SND1: variants seen among roughly 807,000 people sequenced by gnomAD.
SND1 encodes the protein staphylococcal nuclease domain-containing protein 1.
SND1 carries 38 observed loss-of-function variants against 121.7 expected under a neutral mutation model. The observed-to-expected ratio is 0.31, with a 90% CI of 0.24 to 0.41. The LOEUF is 0.41. SND1 is among the 10% of genes least tolerant of loss of function. The probability of loss-of-function intolerance (pLI) is 1.00; values close to 1 mark genes in which losing one functional copy is unlikely to be tolerated. For missense variants in SND1, 868 were observed against 1,184.6 expected (o/e 0.73, Z 3.92); for synonymous variants, 401 against 447.4 (o/e 0.90, Z 1.31).
At chr7:128,081,545 G>GCT (rs1398472025) in intron 18 of SND1, 44 bp downstream of exon 18, 1 of 1,608,674 alleles carries the variant, frequency 6.2e-7, no homozygotes. Flanking sequence ...GCTTGGTCCA[G>GCT]CTGGCGCTGC....
At chr7:128,061,629 C>T (rs1173448734) in intron 16 of SND1, among the ~76,000 whole-genome samples, 1 of 152,188 alleles carries the variant, frequency 6.6e-6, no homozygotes, top group Non-Finnish European at 1.5e-5. Flanking sequence ...GTAAGCCATG[C>T]CATATTTTAA....
chr7:127,697,059 T>G (rs1252808525), intron 3 of SND1, among the ~76,000 whole-genome samples: 10 of 152,250 alleles, frequency 6.6e-5, no homozygotes, highest in Admixed American at 6.5e-4. Flanking sequence ...CCCACTTTTT[T>G]TTATGATGGG....
rs750329376 is a variant in SND1 at position 127,807,447 on chromosome 7, T to G, written c.1153-37T>G. 4 of 1,519,708 alleles carry G rather than the reference T, an allele frequency of 2.6e-6. No homozygotes were observed. In the South Asian group the frequency reaches 4.5e-5, roughly 17 times the overall value. 94.1% of individuals were successfully genotyped at this position (1,519,708 alleles called of 1,614,324 possible). ...GCTGTTGTACATGTTCATTTGATAT[T>G]GTTCATTCCTGATGTCATGTTTTAT... On this transcript the variant is annotated intron_variant, in intron 10 of 23. Transcript: ENST00000354725.
At chr7:127,775,355 A>T (rs1319850679) in intron 10 of SND1, among the ~76,000 whole-genome samples, 2 of 144,642 alleles carry the variant, frequency 1.4e-5, no homozygotes, top group Non-Finnish European at 1.5e-5. Flanking sequence ...CTTTTTTAAC[A>T]GTTTCCATTT....
chr7:127,807,499 C>T lies in SND1; in HGVS notation c.1168C>T (p.Leu390=). 6.2e-7 allele frequency: 1 copy of T among 1,613,836 alleles called. No individual in the cohort carries two copies. ...TTACTTTTAGGATAAGAACAAGAAA[C>T]TGCGTCCCCTGTATGACATTCCTTA... is the stretch of plus-strand genomic sequence containing the variant. ...GENTQDKNKK[L]RPLYDIPYMF... The change falls in exon 11 of 24, where the codon CTG becomes TTG. Residue 390 remains leucine (L), a synonymous_variant. Transcript: ENST00000354725.
Position 128,029,992 on chromosome 7 carries a change from G to T in SND1, c.1779+38936G>T. ...ATCTCCAGCTCCTCCAGCCCCACCA[G>T]GGGGGTGAGATTGGGCATGTCTTTA... On this transcript the variant is annotated intron_variant, in intron 16 of 23. Transcript: ENST00000354725. The surrounding 1 kb of genome is among the most constrained non-coding windows in gnomAD (Gnocchi z 4.2). 6.2e-7 allele frequency: 1 copy of T among 1,613,136 alleles called. No individual in the cohort carries two copies. The highest frequency in any genetic ancestry group is 8.5e-7 in the Non-Finnish European group (1 of 1,180,018).
intron 16 of SND1, among the ~76,000 whole-genome samples, chr7:128,009,015 T>C (rs1283044669): frequency 1.3e-5 from 2 of 152,124 alleles, no homozygotes; most frequent in Non-Finnish European, 2.9e-5. Context: ...GTCAGGACTG[T>C]AGAATTCAAT....
At chr7:127,855,124 TG>T (rs1278879986) in intron 12 of SND1, among the ~76,000 whole-genome samples, 1 of 151,896 alleles carries the variant, frequency 6.6e-6, no homozygotes, top group Non-Finnish European at 1.5e-5. Context: ...TAAGATTCTA[TG>T]GAATTTTTTT....
intron 16 of SND1, among the ~76,000 whole-genome samples, chr7:128,018,921 CA>C (rs1172375416): frequency 6.6e-6 from 1 of 152,222 alleles, no homozygotes; most frequent in East Asian, 1.9e-4. Context: ...GTTAAGGCCA[CA>C]TACCTGTACT....
intron 1 of SND1, among the ~76,000 whole-genome samples, chr7:127,683,856 G>C (rs2116298358): frequency 6.6e-6 from 1 of 152,326 alleles, no homozygotes; most frequent in South Asian, 2.1e-4. Flanking sequence ...CCGTAACATT[G>C]ATTCAAGCAT....
At chr7:128,075,945 AG>A (rs1017516926) in intron 17 of SND1, among the ~76,000 whole-genome samples, 4 of 152,076 alleles carry the variant, frequency 2.6e-5, no homozygotes, top group South Asian at 2.1e-4. Flanking sequence ...CTGCAGGGAG[AG>A]GGGGGGAGGG....
chr7:128,013,943 G>T (rs1803170347), intron 16 of SND1, among the ~76,000 whole-genome samples: 1 of 152,212 alleles, frequency 6.6e-6, no homozygotes, highest in Non-Finnish European at 1.5e-5. Flanking sequence ...CTTGCCTTTG[G>T]AATAAAGGGT....
chr7:127,790,906 T>G (rs2116540437), intron 10 of SND1, among the ~76,000 whole-genome samples: 1 of 152,274 alleles, frequency 6.6e-6, no homozygotes, highest in South Asian at 2.1e-4. Context: ...GACCATAAGA[T>G]CCATTCGTGG....
chr7:127,736,726 A>G (rs1005171757), intron 10 of SND1, among the ~76,000 whole-genome samples: 1 of 152,184 alleles, frequency 6.6e-6, no homozygotes, highest in Non-Finnish European at 1.5e-5. Flanking sequence ...GCTGTGATCC[A>G]GGCCCTTTGT....
chr7:127,658,816 A>G (rs1795256746), intron 1 of SND1, among the ~76,000 whole-genome samples: 1 of 152,232 alleles, frequency 6.6e-6, no homozygotes, highest in East Asian at 1.9e-4. Context: ...TTGGGGAGCA[A>G]GTGAAAATTG....
intron 16 of SND1, among the ~76,000 whole-genome samples, chr7:128,033,819 T>C (rs927463662): frequency 6.6e-6 from 1 of 152,214 alleles, no homozygotes; most frequent in South Asian, 2.1e-4. Flanking sequence ...GTCTCAGATG[T>C]CAAGAAACTT....
intron 15 of SND1, among the ~76,000 whole-genome samples, chr7:127,981,896 A>G (rs1802270953): frequency 6.6e-6 from 1 of 152,208 alleles, no homozygotes; most frequent in South Asian, 2.1e-4. Flanking sequence ...CCACAGGTTA[A>G]CTCATATGCA....
In SND1 at chr7:127,762,640, T is replaced by C. The variant is rs147107495; in HGVS notation, c.1152+41240T>C. Among the ~76,000 whole-genome samples, 508 of 152,338 alleles carry C rather than the reference T, an allele frequency of 3.3e-3. 2 individuals are homozygous for C. Among genetic ancestry groups the C allele is most frequent in the African/African-American group, 0.012 (491 of 41,574 alleles). On this transcript the variant is annotated intron_variant, in intron 10 of 23. Transcript: ENST00000354725. Reference sequence around the variant, plus strand: ...TACCTAAACATAGTTGGCAGCTTAGTCTAGTAGAGAGAATACTTTGCCCTC... The same window carrying C: ...TACCTAAACATAGTTGGCAGCTTAGCCTAGTAGAGAGAATACTTTGCCCTC...
At chr7:128,006,501 C>T (rs1802980789) in intron 16 of SND1, among the ~76,000 whole-genome samples, 1 of 152,224 alleles carries the variant, frequency 6.6e-6, no homozygotes, top group Non-Finnish European at 1.5e-5. Flanking sequence ...TTAGTTCACT[C>T]ACCTGGTGGG....
Sources: allele counts gnomAD v4.1 joint callset (sites outside exome capture counted in the v4.1 genomes callset), GRCh38; gene constraint gnomAD v4.1.1; non-coding constraint Gnocchi (gnomAD v3.1); transcripts MANE v1.5; gene names NCBI Gene and HGNC (gene_info 2026-07-23, HGNC 2026-07-21).